Variants in MYRIP observed in about 807,000 individuals in gnomAD.
The protein encoded by MYRIP is rab effector MyRIP.
Under a neutral mutation model 98.0 loss-of-function variants are expected in MYRIP, and 49 were observed. The ratio of observed to expected loss-of-function variants is 0.50; its 90% CI spans 0.40 to 0.63. MYRIP has a LOEUF of 0.63. Ranked by LOEUF, MYRIP falls within the 30% of genes least tolerant of loss-of-function variation. MYRIP has a pLI of 0.00. For missense variants in MYRIP, 1,004 were observed against 1,058.2 expected (o/e 0.95, Z 0.71); for synonymous variants, 404 against 409.5 (o/e 0.99, Z 0.16).
At chr3:40,186,577 T>C (rs1176600265) in intron 9 of MYRIP, among the ~76,000 whole-genome samples, 1 of 152,058 alleles carries the variant, frequency 6.6e-6, no homozygotes, top group African/African-American at 2.4e-5. Context: ...TACTCATTGG[T>C]TGAGGGCTGC....
intron 13 of MYRIP, among the ~76,000 whole-genome samples, chr3:40,247,508 G>A (rs1194557441): frequency 1.6e-4 from 25 of 151,848 alleles, no homozygotes; most frequent in Admixed American, 1.6e-3. Flanking sequence ...TCCAAATTTC[G>A]TGACCTCATA....
At chr3:39,919,676 T>A (rs1369538880) in intron 2 of MYRIP, among the ~76,000 whole-genome samples, 1 of 150,408 alleles carries the variant, frequency 6.6e-6, no homozygotes, top group East Asian at 2.0e-4. Context: ...TTCTCTGCCA[T>A]GTGTGCGGGT....
chr3:39,813,819 C>T (rs1195480632), intron 1 of MYRIP, among the ~76,000 whole-genome samples: 1 of 152,334 alleles, frequency 6.6e-6, no homozygotes, highest in East Asian at 1.9e-4. Flanking sequence ...ACCTGCAATG[C>T]TGGGACTCAG....
At chr3:40,218,622 A>T (rs62261839) in intron 11 of MYRIP, among the ~76,000 whole-genome samples, 179 of 12,672 alleles carry the variant, frequency 0.014, no homozygotes, top group Middle Eastern at 0.1. Context: ...TTATATATAT[A>T]TATATATATA....
chr3:40,143,031 G>T (rs1949939320), intron 3 of MYRIP, among the ~76,000 whole-genome samples: 2 of 152,200 alleles, frequency 1.3e-5, no homozygotes, highest in Non-Finnish European at 2.9e-5. Flanking sequence ...AGGCAGTCCA[G>T]CCATGCCCAA....
chr3:40,163,303 G>A (rs1186452342), intron 5 of MYRIP, among the ~76,000 whole-genome samples: 1 of 152,064 alleles, frequency 6.6e-6, no homozygotes, highest in East Asian at 1.9e-4. Context: ...CCCCTCAATT[G>A]CCTTCCTCCT....
chr3:40,251,795 T>G, intron 15 of MYRIP, 86 bp from the exon 16 acceptor site: 1 of 866,166 alleles, frequency 1.2e-6, no homozygotes, highest in East Asian at 2.4e-5. Flanking sequence ...AACAAAAGTC[T>G]GAGTAATCTG....
At chr3:39,861,489 G>A (rs543102732) in intron 1 of MYRIP, among the ~76,000 whole-genome samples, 32 of 152,256 alleles carry the variant, frequency 2.1e-4, no homozygotes, top group African/African-American at 7.7e-4. Context: ...TTCTTAACCA[G>A]ACTGAAATGG....
At chr3:40,099,254 T>G (rs1365008239) in intron 3 of MYRIP, among the ~76,000 whole-genome samples, 1 of 152,226 alleles carries the variant, frequency 6.6e-6, no homozygotes, top group Non-Finnish European at 1.5e-5. Flanking sequence ...GATAGTTTCT[T>G]CATAATTTAT....
intron 3 of MYRIP, among the ~76,000 whole-genome samples, chr3:40,134,848 A>G (rs1949727544): frequency 6.6e-6 from 1 of 152,228 alleles, no homozygotes; most frequent in African/African-American, 2.4e-5. Flanking sequence ...AAAACTAACA[A>G]ACAGAAAGGA....
chr3:40,129,711 A>G lies in MYRIP; in HGVS notation c.333-21337A>G, dbSNP rs568305496. Among the ~76,000 whole-genome samples, 3 of 152,108 alleles carry G rather than the reference A, an allele frequency of 2.0e-5. No homozygotes were observed. In the East Asian group the frequency reaches 5.8e-4, roughly 29 times the overall value. ...AAACTCTTAGTTTGCACAGTGCCCT[A>G]CTGTGTTGGGGAGGAAGGCCTGGGA... On this transcript the variant is annotated intron_variant, in intron 3 of 16. Transcript: ENST00000302541.
At chr3:40,101,829 A>G (rs1311312418) in intron 3 of MYRIP, among the ~76,000 whole-genome samples, 1 of 152,078 alleles carries the variant, frequency 6.6e-6, no homozygotes, top group Non-Finnish European at 1.5e-5. Context: ...ATCTTTAACG[A>G]TAGCAACTTT....
chr3:39,975,380 G>C (rs1945720765), intron 2 of MYRIP, among the ~76,000 whole-genome samples: 1 of 151,838 alleles, frequency 6.6e-6, no homozygotes, highest in African/African-American at 2.4e-5. Context: ...ACAAACCACT[G>C]CTCAAGGAAA....
At chr3:39,952,006 G>A (rs748201861) in intron 2 of MYRIP, among the ~76,000 whole-genome samples, 8 of 152,084 alleles carry the variant, frequency 5.3e-5, no homozygotes, top group Non-Finnish European at 8.8e-5. Flanking sequence ...ATCAGATTTA[G>A]AATATTTTCA....
chr3:39,947,215 G>A (rs189036428), intron 2 of MYRIP, among the ~76,000 whole-genome samples: 206 of 152,112 alleles, frequency 1.4e-3, no homozygotes, highest in African/African-American at 4.7e-3. Flanking sequence ...ATTAAGCATA[G>A]CAATCATTAA....
Position 40,190,268 on chromosome 3 carries a change from G to A in MYRIP, c.1470G>A (p.Leu490=). ...PRNPAAEKMR[L]HGELDVNFNP... is the part of the protein sequence containing the mutation. ...ACCCTGCAGCTGAGAAGATGCGCTTGCATGGAGAGCTGGACGTGAACTTCA... is the reference window on the plus strand; with the variant it reads ...ACCCTGCAGCTGAGAAGATGCGCTTACATGGAGAGCTGGACGTGAACTTCA... Residue 490 remains leucine, a synonymous_variant, in exon 10 of 17, where the codon TTG becomes TTA. Coordinates refer to ENST00000302541, the MANE Select transcript of MYRIP (RefSeq NM_015460.4). The A allele has an allele frequency of 6.2e-7, 1 of 1,614,090 alleles. No homozygotes were observed. The highest frequency in any genetic ancestry group is 1.1e-5 in the South Asian group (1 of 91,082).
At chr3:40,033,628 A>G (rs1318717261) in intron 2 of MYRIP, among the ~76,000 whole-genome samples, 4 of 152,108 alleles carry the variant, frequency 2.6e-5, no homozygotes, top group Non-Finnish European at 5.9e-5. Context: ...TCAACATCAT[A>G]AAAATGGCCA....
chr3:39,900,986 G>C, intron 2 of MYRIP, 60 bp downstream of exon 2: 1 of 1,280,542 alleles, frequency 7.8e-7, no homozygotes, highest in Non-Finnish European at 1.1e-6. Flanking sequence ...AGCGTAACAG[G>C]TTTCCTGAGG....
intron 9 of MYRIP, among the ~76,000 whole-genome samples, chr3:40,189,211 C>A (rs1011278673): frequency 1.1e-4 from 16 of 152,358 alleles, no homozygotes; most frequent in African/African-American, 3.6e-4. Context: ...ATCTTCATTT[C>A]CTCATCCATA....
Sources: allele counts gnomAD v4.1 joint callset (sites outside exome capture counted in the v4.1 genomes callset), GRCh38; gene constraint gnomAD v4.1.1; transcripts MANE v1.5; gene names NCBI Gene and HGNC (gene_info 2026-07-23, HGNC 2026-07-21).